MAN1C1: variants seen among roughly 807,000 people sequenced by gnomAD.
The protein encoded by MAN1C1 is mannosidase alpha class 1C member 1.
MAN1C1 carries 49 observed loss-of-function variants against 71.5 expected under a neutral mutation model. The observed-to-expected ratio is 0.69, with a 90% CI of 0.54 to 0.87. The LOEUF (loss-of-function observed/expected upper bound fraction) is 0.87, where lower values mean the gene tolerates loss of function less well. Ranked by LOEUF, MAN1C1 falls within the 40% of genes least tolerant of loss-of-function variation. MAN1C1 has a pLI of 0.00. For synonymous variants in MAN1C1, 352 were observed against 343.7 expected, an observed-to-expected ratio of 1.02 and a Z score of -0.27; for missense variants, 743 against 835.0, an observed-to-expected ratio of 0.89 and a Z score of 1.36.
intron 7 of MAN1C1, among the ~76,000 whole-genome samples, chr1:25,768,483 T>TACATACACTCC (rs2047489586): frequency 2.8e-5 from 1 of 36,228 alleles, no homozygotes; most frequent in African/African-American, 1.0e-4. Context: ...CATTACACAC[T>TACATACACTCC]CCCCCACACA....
At chr1:25,733,893 G>A (rs1036468904) in intron 2 of MAN1C1, among the ~76,000 whole-genome samples, 10 of 151,346 alleles carry the variant, frequency 6.6e-5, no homozygotes, top group East Asian at 1.9e-4. Context: ...TCCGCCTCCC[G>A]TGCTCACGCC....
chr1:25,629,509 C>T (rs2045348760), intron 1 of MAN1C1, among the ~76,000 whole-genome samples: 1 of 152,152 alleles, frequency 6.6e-6, no homozygotes, highest in Non-Finnish European at 1.5e-5. Context: ...GATCTTGGCT[C>T]ACTGCAGCCT....
chr1:25,662,478 T>C (rs893799357), intron 1 of MAN1C1, among the ~76,000 whole-genome samples: 1 of 152,212 alleles, frequency 6.6e-6, no homozygotes, highest in African/African-American at 2.4e-5. Context: ...TACATGATTC[T>C]TAACATTTTC....
chr1:25,644,508 ATATATATATATTTTTTTT>A (rs1276615260), intron 1 of MAN1C1: 6 of 91,384 alleles, frequency 6.6e-5, no homozygotes, highest in African/African-American at 4.8e-4. Flanking sequence ...ATATATATAT[ATATATATATATTTTTTTT>A]TTTTTTTTTT....
At chr1:25,635,645 C>T (rs2045448441) in intron 1 of MAN1C1, among the ~76,000 whole-genome samples, 1 of 152,072 alleles carries the variant, frequency 6.6e-6, no homozygotes, top group African/African-American at 2.4e-5. Flanking sequence ...GACAGGGTTT[C>T]ACCATGTTGG....
intron 2 of MAN1C1, among the ~76,000 whole-genome samples, chr1:25,704,166 A>G (rs1286858425): frequency 6.6e-6 from 1 of 152,228 alleles, no homozygotes; most frequent in Non-Finnish European, 1.5e-5. Context: ...GAGGCTGAGA[A>G]CAGCCTCTTT....
At chr1:25,695,582 C>G (rs554628684) in intron 2 of MAN1C1, among the ~76,000 whole-genome samples, 19 of 152,292 alleles carry the variant, frequency 1.2e-4, no homozygotes, top group African/African-American at 4.6e-4. Flanking sequence ...GCTGCAGTGT[C>G]GTGCACTCAC....
rs1215285021 is a variant in MAN1C1, at chr1:25,781,523, T to C, written c.1650+411T>C. 2.0e-5 allele frequency among the ~76,000 whole-genome samples: 3 copies of C among 152,110 alleles called. No individual in the cohort carries two copies. The East Asian group carries it at 5.8e-4, about 29-fold the overall frequency. The stretch of plus-strand genomic sequence containing the variant: ...TCCTCTTCCCACAGGCAGCCCAGCC[T>C]GAGGGACCCCCCCACCCTAGTCTCT... On this transcript the variant is annotated intron_variant, in intron 10 of 11. Coordinates refer to ENST00000374332, the MANE Select transcript of MAN1C1 (RefSeq NM_020379.4).
intron 2 of MAN1C1, among the ~76,000 whole-genome samples, chr1:25,742,066 A>T (rs551426323): frequency 1.3e-4 from 20 of 152,086 alleles, no homozygotes; most frequent in Non-Finnish European, 2.9e-4. Flanking sequence ...TGCTGTGGGC[A>T]CTCTCAGGGC....
intron 1 of MAN1C1, among the ~76,000 whole-genome samples, chr1:25,626,954 CTT>C (rs923032300): frequency 2.0e-5 from 3 of 152,048 alleles, no homozygotes; most frequent in African/African-American, 7.2e-5. Context: ...TTAAAAAAAA[CTT>C]TGCCTACCCC....
intron 2 of MAN1C1, among the ~76,000 whole-genome samples, chr1:25,729,651 A>G (rs1442109271): frequency 6.6e-6 from 1 of 151,942 alleles, no homozygotes; most frequent in Non-Finnish European, 1.5e-5. Context: ...AGCTGGGACT[A>G]CAGGCGCCCA....
chr1:25,738,334 G>C (rs1284146253), intron 2 of MAN1C1, among the ~76,000 whole-genome samples: 1 of 152,106 alleles, frequency 6.6e-6, no homozygotes. Flanking sequence ...CCGTAAATGG[G>C]TTTTATGCCG....
chr1:25,758,263 T>C (rs2047315547), intron 5 of MAN1C1, among the ~76,000 whole-genome samples: 1 of 152,234 alleles, frequency 6.6e-6, no homozygotes. Context: ...TGGCCCCTGA[T>C]AGCATTATCC....
chr1:25,664,694 ACT>A (rs1185634264), intron 1 of MAN1C1, among the ~76,000 whole-genome samples: 22 of 152,286 alleles, frequency 1.4e-4, no homozygotes, highest in African/African-American at 3.4e-4. Context: ...GATTCTGTAA[ACT>A]CTATTAGCAG....
At chr1:25,740,467 C>T (rs911616064) in intron 2 of MAN1C1, among the ~76,000 whole-genome samples, 2 of 152,038 alleles carry the variant, frequency 1.3e-5, no homozygotes, top group African/African-American at 2.4e-5. Context: ...GACGGAGTCT[C>T]GCTCTGTCAC....
chr1:25,636,842 C>T (rs953741387), intron 1 of MAN1C1, among the ~76,000 whole-genome samples: 4 of 152,196 alleles, frequency 2.6e-5, no homozygotes, highest in Admixed American at 2.0e-4. Flanking sequence ...CTGGTCCCTC[C>T]GTTCAGGATC....
intron 1 of MAN1C1, among the ~76,000 whole-genome samples, chr1:25,666,035 A>C (rs1426131170): frequency 6.6e-6 from 1 of 152,000 alleles, no homozygotes; most frequent in Non-Finnish European, 1.5e-5. Flanking sequence ...TGGCATATTT[A>C]AATCTCATCT....
chr1:25,712,524 G>C (rs1253773763), intron 2 of MAN1C1, among the ~76,000 whole-genome samples: 1 of 152,240 alleles, frequency 6.6e-6, no homozygotes, highest in Non-Finnish European at 1.5e-5. Context: ...GGTTTGTAAA[G>C]GTGGCAGAAA....
At chr1:25,736,452 G>C (rs1295272012) in intron 2 of MAN1C1, among the ~76,000 whole-genome samples, 1 of 152,064 alleles carries the variant, frequency 6.6e-6, no homozygotes, top group African/African-American at 2.4e-5. Context: ...AGTGTATGGG[G>C]GTTCTTTATA....
Sources: gnomAD v4.1 joint callset for allele counts (sites outside exome capture counted in the v4.1 genomes callset) on GRCh38, gnomAD v4.1.1 for gene constraint, MANE v1.5 for transcripts, NCBI Gene and HGNC (gene_info 2026-07-23, HGNC 2026-07-21) for gene names.